Variants in RNF150 observed in about 807,000 individuals in gnomAD.
The protein encoded by RNF150 is ring finger protein 150.
A neutral mutation model predicts 39.3 loss-of-function variants in RNF150; 24 were observed. The observed-to-expected ratio is 0.61, with a 90% CI of 0.44 to 0.86. RNF150 has a LOEUF of 0.86. Ranked by LOEUF, RNF150 falls within the 40% of genes least tolerant of loss-of-function variation. The pLI, the probability that RNF150 is intolerant of heterozygous loss-of-function variation, is 0.00. For missense variants in RNF150, 502 were observed against 587.8 expected (o/e 0.85, Z 1.51); for synonymous variants, 255 against 227.3 (o/e 1.12, Z -1.10).
intron 1 of RNF150, among the ~76,000 whole-genome samples, chr4:141,125,405 T>C (rs981148826): frequency 1.3e-5 from 2 of 152,200 alleles, no homozygotes; most frequent in Non-Finnish European, 2.9e-5. Context: ...AGGATTTGAA[T>C]TTCAATTTAA....
chr4:141,011,773 C>T (rs1735083197), intron 1 of RNF150, among the ~76,000 whole-genome samples: 1 of 152,182 alleles, frequency 6.6e-6, no homozygotes, highest in African/African-American at 2.4e-5. Flanking sequence ...TAAGTCATCA[C>T]AAAAAGTAGA....
chr4:141,026,716 T>C (rs1735711151), intron 1 of RNF150, among the ~76,000 whole-genome samples: 1 of 152,212 alleles, frequency 6.6e-6, no homozygotes, highest in Non-Finnish European at 1.5e-5. Context: ...GTCTACAACA[T>C]ACCTGTTAAT....
rs1306281865 is a variant in RNF150, at chr4:140,999,991, GA to G, written c.485-32119del. On this transcript the variant is annotated intron_variant, in intron 1 of 6. Transcript: ENST00000515673. ...GAAGAAGAAGAAAAGAAGAAAAGAA[GA>G]AAAGAAGAAGAAGAAGAAGAAGAAG... 1.0e-3 allele frequency among the ~76,000 whole-genome samples: 33 copies of G among 31,704 alleles called. 1 individual carries two copies. The highest frequency in any genetic ancestry group is 5.1e-3 in the East Asian group (6 of 1,182). The allele number at this position is 31,704 out of a possible 152,430, so 20.8% of individuals were successfully genotyped here.
At chr4:141,186,965 T>C (rs1318323406) in intron 1 of RNF150, among the ~76,000 whole-genome samples, 1 of 152,238 alleles carries the variant, frequency 6.6e-6, no homozygotes, top group Non-Finnish European at 1.5e-5. Flanking sequence ...ATTATAGATC[T>C]TTCCCACTTT....
At chr4:141,124,070 T>C (rs1726687624) in intron 1 of RNF150, among the ~76,000 whole-genome samples, 2 of 152,252 alleles carry the variant, frequency 1.3e-5, no homozygotes, top group South Asian at 4.1e-4. Flanking sequence ...TTAAGGTCCA[T>C]GAATACCCCG....
intron 5 of RNF150, among the ~76,000 whole-genome samples, chr4:140,916,338 A>G (rs1730827171): frequency 6.6e-6 from 1 of 152,250 alleles, no homozygotes; most frequent in South Asian, 2.1e-4. Context: ...ACCAATGCAG[A>G]GAAGTCCTTA....
intron 1 of RNF150, among the ~76,000 whole-genome samples, chr4:141,008,366 T>C (rs1734947192): frequency 6.6e-6 from 1 of 152,206 alleles, no homozygotes; most frequent in Non-Finnish European, 1.5e-5. Flanking sequence ...TCTCCTAATG[T>C]GTGGTTGTCT....
intron 6 of RNF150, among the ~76,000 whole-genome samples, chr4:140,896,705 A>C (rs1420141107): frequency 0.027 from 2,273 of 85,502 alleles, 82 homozygotes; most frequent in African/African-American, 0.076. Context: ...AAAAAACAAA[A>C]AAACAAACAA....
chr4:141,174,928 A>G (rs1727784494), intron 1 of RNF150, among the ~76,000 whole-genome samples: 1 of 151,868 alleles, frequency 6.6e-6, no homozygotes, highest in African/African-American at 2.4e-5. Context: ...CTCCAAATGA[A>G]GGAGTTGTAA....
At chr4:141,093,550 A>C (rs1376892519) in intron 1 of RNF150, among the ~76,000 whole-genome samples, 1 of 152,210 alleles carries the variant, frequency 6.6e-6, no homozygotes, top group African/African-American at 2.4e-5. Context: ...TCCCCACCAC[A>C]GGCACAGATT....
At chr4:141,154,943 A>G (rs752789090) in intron 1 of RNF150, among the ~76,000 whole-genome samples, 1 of 152,192 alleles carries the variant, frequency 6.6e-6, no homozygotes, top group African/African-American at 2.4e-5. Context: ...AAATATGCCT[A>G]TTCACTAAAA....
intron 1 of RNF150, among the ~76,000 whole-genome samples, chr4:141,013,625 T>C (rs1735155418): frequency 6.6e-6 from 1 of 152,216 alleles, no homozygotes; most frequent in Non-Finnish European, 1.5e-5. Flanking sequence ...TTTTTGTTTT[T>C]TTCCAATGCA....
intron 6 of RNF150, among the ~76,000 whole-genome samples, chr4:140,885,722 C>T (rs990474174): frequency 1.2e-4 from 19 of 152,072 alleles, no homozygotes; most frequent in African/African-American, 4.3e-4. Context: ...CCTGCCTCAG[C>T]CTCCCACATA....
intron 1 of RNF150, among the ~76,000 whole-genome samples, chr4:141,037,829 G>T (rs527868961): frequency 6.6e-6 from 1 of 152,036 alleles, no homozygotes; most frequent in African/African-American, 2.4e-5. Flanking sequence ...AGTTAATGGG[G>T]CACTATGTAC....
At chr4:141,102,766 C>A (rs1739057897) in intron 1 of RNF150, among the ~76,000 whole-genome samples, 1 of 152,140 alleles carries the variant, frequency 6.6e-6, no homozygotes, top group Admixed American at 6.5e-5. Flanking sequence ...ATGTTAGGAA[C>A]TGTACATGGT....
rs1396617699 is a variant in RNF150, at chr4:140,967,833, T to G, written c.525A>C (p.Lys175Asn). 13 of 1,613,204 alleles carry G rather than the reference T, an allele frequency of 8.1e-6. No individual in the cohort carries two copies. Among genetic ancestry groups the G allele is most frequent in the Admixed American group, 1.7e-5 (1 of 59,936 alleles). ...DIVAIMIPEP[K>N]GKEIVSLLER... ...CCAGCAGGCTTACTATCTCCTTCCCTTTTGGCTCAGGAATCATTATGGCCA... is the reference window on the plus strand; with the variant it reads ...CCAGCAGGCTTACTATCTCCTTCCCGTTTGGCTCAGGAATCATTATGGCCA... Residue 175 changes from lysine to asparagine, a missense_variant, in exon 2 of 7, where the codon AAA becomes AAC. Transcript: ENST00000515673.
chr4:140,867,656 TCTTAATGAAAGCTGGC>T lies in RNF150; in HGVS notation c.*589_*604del, dbSNP rs1728764348. 2 of 152,206 alleles carry T rather than the reference TCTTAATGAAAGCTGGC, an allele frequency of 1.3e-5. No individual in the cohort carries two copies. The highest frequency in any genetic ancestry group is 2.9e-5 in the Non-Finnish European group (2 of 68,084). 9.4% of individuals were successfully genotyped at this position (152,206 alleles called of 1,614,324 possible). A position where few individuals can be genotyped will look rare whatever the true frequency, so the allele number is the denominator to read the frequency against. ...AAGGCCCACTTAGAAGAACTTAGAT[TCTTAATGAAAGCTGGC>T]CTTAGTCCATTTCAGGGTGCTGAGG... On this transcript the variant is annotated 3_prime_UTR_variant, in exon 7 of 7. Transcript: ENST00000515673.
chr4:141,022,906 C>A (rs1274203488), intron 1 of RNF150, among the ~76,000 whole-genome samples: 2 of 152,170 alleles, frequency 1.3e-5, no homozygotes, highest in Admixed American at 1.3e-4. Flanking sequence ...TTTCCCCCAA[C>A]TACTTTCCAT....
intron 1 of RNF150, among the ~76,000 whole-genome samples, chr4:141,093,365 C>CAAA (rs71584393): frequency 1.2e-5 from 1 of 80,042 alleles, no homozygotes. Context: ...GACTCCATCT[C>CAAA]AAAAAAAAAA....
Sources: gnomAD v4.1 joint callset for allele counts (sites outside exome capture counted in the v4.1 genomes callset) on GRCh38, gnomAD v4.1.1 for gene constraint, MANE v1.5 for transcripts, NCBI Gene and HGNC (gene_info 2026-07-23, HGNC 2026-07-21) for gene names.